The following TNRC6B variants were observed in gnomAD, a reference collection of about 807,000 sequenced individuals.
The protein encoded by TNRC6B is trinucleotide repeat containing adaptor 6B.
In TNRC6B, 52 loss-of-function variants were observed where a neutral mutation model predicts 203.6. The ratio of observed to expected loss-of-function variants is 0.26; its 90% CI spans 0.20 to 0.32. The LOEUF is 0.32. Among genes scored for constraint, TNRC6B ranks in the 10% least tolerant of loss-of-function variants. The pLI, the probability that TNRC6B is intolerant of heterozygous loss-of-function variation, is 1.00. For synonymous variants in TNRC6B, 838 were observed against 845.7 expected (o/e 0.99, Z 0.16); for missense variants, 1,923 against 2,286.2 (o/e 0.84, Z 3.24).
chr22:40,320,829 A>G (rs1483478805), intron 21 of TNRC6B, among the ~76,000 whole-genome samples: 1 of 152,202 alleles, frequency 6.6e-6, no homozygotes, highest in Non-Finnish European at 1.5e-5. Flanking sequence ...ATGAGCAGTG[A>G]TGCTAAGAAT....
intron 1 of TNRC6B, among the ~76,000 whole-genome samples, chr22:40,054,906 G>A (rs1236909578): frequency 6.6e-6 from 1 of 151,682 alleles, no homozygotes; most frequent in African/African-American, 2.4e-5. Flanking sequence ...TTGTAGTAGT[G>A]CGCGCCAGTA....
intron 15 of TNRC6B, among the ~76,000 whole-genome samples, chr22:40,303,858 C>T (rs2071056748): frequency 1.3e-5 from 2 of 152,174 alleles, no homozygotes; most frequent in South Asian, 4.1e-4. Context: ...TTGCAGTGAG[C>T]TGAGATCATG....
In TNRC6B at chr22:40,301,208, G is replaced by T. The variant is rs777982437; in HGVS notation, c.3995G>T (p.Gly1332Val). The T allele has an allele frequency of 1.3e-6, 2 of 1,554,718 alleles. No individual in the cohort carries two copies. Among genetic ancestry groups the T allele is most frequent in the African/African-American group, 2.7e-5 (2 of 73,172 alleles). Residue 1332 changes from glycine (G) to valine (V), a missense_variant, in exon 15 of 23, where the codon GGC becomes GTC. Around this residue, in one of 8 missense-constraint regions of TNRC6B, gnomAD observed 242 missense variants for 399.5 expected, o/e 0.61. Transcript: ENST00000454349. ...CAGCAGCAGCAGCAGAGGCAGCCAGGCATGAAGCACTCGCCCTCTCATCCT... is the reference window on the plus strand; with the variant it reads ...CAGCAGCAGCAGCAGAGGCAGCCAGTCATGAAGCACTCGCCCTCTCATCCT... ...QQQQQQQRQP[G>V]MKHSPSHPVG...
intron 1 of TNRC6B, among the ~76,000 whole-genome samples, chr22:40,059,282 T>C (rs2067827845): frequency 6.6e-6 from 1 of 152,264 alleles, no homozygotes; most frequent in South Asian, 2.1e-4. Context: ...TTCATTTGGA[T>C]ATAGTTTGTT....
In TNRC6B at chr22:40,266,522, T is replaced by G. The variant is rs2146501090; in HGVS notation, c.2292T>G (p.Ser764=). 6.2e-7 allele frequency: 1 copy of G among 1,613,756 alleles called. No individual in the cohort carries two copies. Among genetic ancestry groups the G allele is most frequent in the East Asian group, 2.2e-5 (1 of 44,880 alleles). ...DQTKNSNWES[S]ASKPVSGWGE... is the part of the protein sequence containing the mutation. ...CAAAAAACAGCAATTGGGAAAGTTC[T>G]GCAAGTAAACCTGTGTCTGGGTGGG... Residue 764 remains serine, a synonymous_variant, in exon 5 of 23, where the codon TCT becomes TCG. Transcript: ENST00000454349.
chr22:40,223,197 A>G (rs1464110076), intron 1 of TNRC6B, among the ~76,000 whole-genome samples: 2 of 151,712 alleles, frequency 1.3e-5, no homozygotes, highest in African/African-American at 2.4e-5. Flanking sequence ...CTGGAGTGCA[A>G]TGGCGCAATC....
intron 1 of TNRC6B, among the ~76,000 whole-genome samples, chr22:40,108,229 CTCTA>C (rs956680818): frequency 6.6e-6 from 1 of 152,138 alleles, no homozygotes; most frequent in African/African-American, 2.4e-5. Context: ...CTGACGTGGC[CTCTA>C]GAGAATGTTG....
chr22:40,105,522 A>T (rs369334006), intron 1 of TNRC6B, among the ~76,000 whole-genome samples: 1 of 152,042 alleles, frequency 6.6e-6, no homozygotes, highest in East Asian at 1.9e-4. Context: ...TAAACATTAT[A>T]GTTTTGCCTG....
chr22:40,255,458 C>T (rs2070259180), intron 3 of TNRC6B, among the ~76,000 whole-genome samples: 1 of 152,118 alleles, frequency 6.6e-6, no homozygotes, highest in African/African-American at 2.4e-5. Flanking sequence ...TTGGAGGGGT[C>T]CCCTCCATTA....
At chr22:40,163,923 C>T (rs904211365) in intron 4 of TNRC6B, among the ~76,000 whole-genome samples, 8 of 152,002 alleles carry the variant, frequency 5.3e-5, no homozygotes, top group Non-Finnish European at 7.4e-5. Flanking sequence ...ATCTTCGGCT[C>T]TATGAGGATG....
At position 40,315,356 on chromosome 22, in the gene TNRC6B, G is replaced by C; in HGVS notation, c.4752G>C (p.Lys1584Asn). ...ACAACCCCACTCATCTCTCCAACAAGATGTGGAAAAACCATATTTCCTCCA... is the reference window on the plus strand; with the variant it reads ...ACAACCCCACTCATCTCTCCAACAACATGTGGAAAAACCATATTTCCTCCA... The part of the protein sequence containing the change: ...IGHNPTHLSN[K>N]MWKNHISSRN... Residue 1584 changes from lysine to asparagine, a missense_variant, in exon 20 of 23, where the codon AAG becomes AAC. By Grantham distance (94) the Lys-to-Asn change is moderately conservative. Transcript: ENST00000454349. 6.2e-7 allele frequency: 1 copy of C among 1,613,934 alleles called. No individual in the cohort carries two copies. Among genetic ancestry groups the C allele is most frequent in the Non-Finnish European group, 8.5e-7 (1 of 1,179,874 alleles).
At chr22:40,164,710 C>T (rs189128369) in intron 4 of TNRC6B, among the ~76,000 whole-genome samples, 56 of 145,172 alleles carry the variant, frequency 3.9e-4, no homozygotes, top group African/African-American at 1.4e-3. Flanking sequence ...TGTGGTGAGC[C>T]GAGATCGCGC....
intron 3 of TNRC6B, among the ~76,000 whole-genome samples, chr22:40,137,925 G>A (rs1300733431): frequency 6.6e-6 from 1 of 150,548 alleles, no homozygotes; most frequent in Non-Finnish European, 1.5e-5. Context: ...AGAGGTTGCA[G>A]TGAGCCGAGA....
chr22:40,230,705 T>C (rs1172915672), intron 1 of TNRC6B, among the ~76,000 whole-genome samples: 2 of 152,186 alleles, frequency 1.3e-5, no homozygotes, highest in Non-Finnish European at 2.9e-5. Flanking sequence ...CTTTTTATTC[T>C]CTTAAATGTC....
In TNRC6B at chr22:40,262,007, C is replaced by T; in HGVS notation, c.291C>T (p.Cys97=). 1 of 1,608,484 alleles carries T rather than the reference C, an allele frequency of 6.2e-7. No individual in the cohort carries two copies. Among genetic ancestry groups the T allele is most frequent in the Non-Finnish European group, 8.5e-7 (1 of 1,176,800 alleles). The stretch of plus-strand genomic sequence containing the variant: ...GGGAGGTGCCGCCGCGATTCCGTTG[C>T]CAGCAGGACCACAAAGTGTTACTAA... ...MPREVPPRFR[C]QQDHKVLLKR... Residue 97 remains cysteine, a synonymous_variant, in exon 4 of 23, where the codon TGC becomes TGT. Coordinates refer to ENST00000454349, the MANE Select transcript of TNRC6B (RefSeq NM_001162501.2).
chr22:40,276,246 C>G (rs544267441), intron 7 of TNRC6B, among the ~76,000 whole-genome samples: 1 of 149,356 alleles, frequency 6.7e-6, no homozygotes, highest in South Asian at 2.1e-4. Flanking sequence ...ACTCGGGAGG[C>G]TGAGGCAGGA....
At chr22:40,130,519 C>T (rs1344318258) in intron 3 of TNRC6B, among the ~76,000 whole-genome samples, 1 of 151,806 alleles carries the variant, frequency 6.6e-6, no homozygotes, top group South Asian at 2.1e-4. Flanking sequence ...CGGTGGCTCA[C>T]GCCTGTAATC....
In TNRC6B at chr22:40,217,275, T is replaced by C. The variant is rs553787034; in HGVS notation, c.6-28740T>C. 5.9e-5 allele frequency among the ~76,000 whole-genome samples: 9 copies of C among 152,340 alleles called. No homozygotes were observed. The East Asian group carries it at 1.7e-3, about 29-fold the overall frequency. ...TAGCAGTTCCCAAATTATTGTTTTG[T>C]TGAAGTTGGATTTTTACTAATTCTC... On this transcript the variant is annotated intron_variant, in intron 1 of 22. Transcript: ENST00000454349.
At position 40,112,429 on chromosome 22, in the gene TNRC6B, G is replaced by A. The variant is rs577748977; in HGVS notation, c.-120-4626G>A. ...GCAGCTGAAGCAGCAGCTTTTCACC[G>A]TCTCACCCACCCCAAACCCTGCCCA... On this transcript the variant is annotated intron_variant, in intron 1 of 23. Transcript: ENST00000301923. Among the ~76,000 whole-genome samples, 225 of 152,170 alleles carry A rather than the reference G, an allele frequency of 1.5e-3. 2 individuals are homozygous for A. Among genetic ancestry groups the A allele is most frequent in the African/African-American group, 1.3e-3 (56 of 41,510 alleles).
Sources: gnomAD v4.1 joint callset for allele counts (sites outside exome capture counted in the v4.1 genomes callset) on GRCh38, gnomAD v4.1.1 for gene constraint, gnomAD v4.1.1 regional missense constraint, MANE v1.5 for transcripts, NCBI Gene and HGNC (gene_info 2026-07-23, HGNC 2026-07-21) for gene names.